Variants in CNBD1 observed in about 807,000 individuals in gnomAD.
CNBD1 encodes cyclic nucleotide-binding domain-containing protein 1.
In CNBD1, 71 loss-of-function variants were observed where a neutral mutation model predicts 54.4. The observed-to-expected ratio is 1.30, with a 90% CI of 1.08 to 1.59. The LOEUF is 1.59. CNBD1 is among the 40% of genes most tolerant of loss of function. The pLI, the probability that CNBD1 is intolerant of heterozygous loss-of-function variation, is 0.00. For synonymous variants in CNBD1, 182 were observed against 170.7 expected, an observed-to-expected ratio of 1.07 and a Z score of -0.51; for missense variants, 659 against 518.0, an observed-to-expected ratio of 1.27 and a Z score of -2.64.
intron 4 of CNBD1, among the ~76,000 whole-genome samples, chr8:87,197,307 G>A (rs986320004): frequency 2.6e-5 from 4 of 152,170 alleles, no homozygotes; most frequent in Admixed American, 6.5e-5. Flanking sequence ...AAGACTAGAG[G>A]TTAAGAGAGA....
At chr8:87,284,253 A>G (rs1808650302) in intron 6 of CNBD1, among the ~76,000 whole-genome samples, 2 of 152,252 alleles carry the variant, frequency 1.3e-5, no homozygotes, top group South Asian at 4.1e-4. Flanking sequence ...GCAATCATCC[A>G]TAAATATTAA....
chr8:86,965,996 T>A (rs1808062387), intron 4 of CNBD1, among the ~76,000 whole-genome samples: 1 of 152,118 alleles, frequency 6.6e-6, no homozygotes, highest in South Asian at 2.1e-4. Flanking sequence ...GCCTTCTTCA[T>A]CCTCTGGTTG....
rs915670342 is a variant in CNBD1 at position 87,326,390 on chromosome 8, G to T, written c.1043-25295G>T. On this transcript the variant is annotated intron_variant, in intron 8 of 10. Transcript: ENST00000518476. ...GGGAAGTTCTCCTGGATAATATCCT[G>T]TAGAGTGTTTTCCAACTTGGTTCCA... Among the ~76,000 whole-genome samples, 7 of 126,210 alleles carry T rather than the reference G, an allele frequency of 5.5e-5. 1 individual carries two copies. Among genetic ancestry groups the T allele is most frequent in the Non-Finnish European group, 1.3e-4 (7 of 55,702 alleles). The allele number at this position is 126,210 out of a possible 152,430, so 82.8% of individuals were successfully genotyped here.
At chr8:87,383,361 A>G (rs896140042), downstream of CNBD1, among the ~76,000 whole-genome samples, 4 of 152,068 alleles carry the variant, frequency 2.6e-5, no homozygotes, top group Admixed American at 6.6e-5. Flanking sequence ...AGTAAGGGGG[A>G]AAACCGTACG....
chr8:87,054,647 A>G (rs1251931381), intron 4 of CNBD1, among the ~76,000 whole-genome samples: 5 of 152,258 alleles, frequency 3.3e-5, no homozygotes, highest in Admixed American at 6.5e-5. Flanking sequence ...AAAATGCAAC[A>G]GAAAACTCTG....
At chr8:87,087,485 T>C (rs747334321) in intron 4 of CNBD1, among the ~76,000 whole-genome samples, 9 of 145,076 alleles carry the variant, frequency 6.2e-5, no homozygotes, top group Non-Finnish European at 1.4e-4. Flanking sequence ...TTTTTTTGAG[T>C]TGGAGTCTCA....
At chr8:87,399,974 G>A (rs1162957510) in intron 2 of CNBD1, among the ~76,000 whole-genome samples, 1 of 151,704 alleles carries the variant, frequency 6.6e-6, no homozygotes, top group Non-Finnish European at 1.5e-5. Flanking sequence ...ACATAACCAA[G>A]ACCACTGGAA....
intron 5 of CNBD1, among the ~76,000 whole-genome samples, chr8:87,214,320 G>A (rs529838376): frequency 1.6e-4 from 25 of 152,212 alleles, no homozygotes; most frequent in African/African-American, 5.8e-4. Context: ...TCTAGGGCGG[G>A]GGCAAAATGC....
chr8:87,000,551 C>A (rs1808970475), intron 4 of CNBD1, among the ~76,000 whole-genome samples: 1 of 152,024 alleles, frequency 6.6e-6, no homozygotes, highest in Admixed American at 6.6e-5. Flanking sequence ...AAGTGAATAA[C>A]AGAACCTTGC....
At chr8:87,386,384 G>A (rs1377922157), downstream of CNBD1, among the ~76,000 whole-genome samples, 1 of 151,970 alleles carries the variant, frequency 6.6e-6, no homozygotes. Flanking sequence ...TAGATGAATG[G>A]CTAACGAGAA....
In CNBD1 at chr8:86,981,568, G is replaced by A. The variant is rs11995053; in HGVS notation, c.431+41814G>A. ...CCGCAATCAAGAGACAGAGTTTTATGCCCCTTTGCAGTACATCTTCCTGAA... is the reference window on the plus strand; with the variant it reads ...CCGCAATCAAGAGACAGAGTTTTATACCCCTTTGCAGTACATCTTCCTGAA... On this transcript the variant is annotated intron_variant, in intron 4 of 10. Transcript: ENST00000518476. Among the ~76,000 whole-genome samples, 1,375 of 152,218 alleles carry A rather than the reference G, an allele frequency of 9.0e-3. 18 individuals carry two copies. Among genetic ancestry groups the A allele is most frequent in the Middle Eastern group, 0.037 (11 of 294 alleles).
In CNBD1 at chr8:87,327,062, C is replaced by T. The variant is rs915577103; in HGVS notation, c.1043-24623C>T. Reference sequence around the variant, plus strand: ...CTGCAGATCTGTTGGAATACCCTGCCGTGTGAGGTGTCAGTGTGCCCCTGC... The same window carrying T: ...CTGCAGATCTGTTGGAATACCCTGCTGTGTGAGGTGTCAGTGTGCCCCTGC... On this transcript the variant is annotated intron_variant, in intron 8 of 10. Coordinates refer to ENST00000518476, the MANE Select transcript of CNBD1 (RefSeq NM_173538.3). Among the ~76,000 whole-genome samples the T allele has an allele frequency of 5.3e-5, 8 of 149,610 alleles. No individual in the cohort carries two copies. The East Asian group carries it at 5.9e-4, about 11-fold the overall frequency.
intron 3 of CNBD1, among the ~76,000 whole-genome samples, chr8:86,922,552 G>A (rs1478881974): frequency 6.6e-6 from 1 of 151,998 alleles, no homozygotes; most frequent in East Asian, 1.9e-4. Flanking sequence ...GATGGCTTGG[G>A]GTATTATTGT....
At chr8:87,345,495 A>T (rs1158386276) in intron 8 of CNBD1, among the ~76,000 whole-genome samples, 1 of 152,172 alleles carries the variant, frequency 6.6e-6, no homozygotes, top group Non-Finnish European at 1.5e-5. Flanking sequence ...GTCTAAATGC[A>T]ATTGACTTTG....
chr8:86,990,919 T>C (rs1808731081), intron 4 of CNBD1, among the ~76,000 whole-genome samples: 1 of 152,142 alleles, frequency 6.6e-6, no homozygotes, highest in Non-Finnish European at 1.5e-5. Context: ...TTGGTAAATT[T>C]CTATGTATTT....
intron 4 of CNBD1, among the ~76,000 whole-genome samples, chr8:87,015,096 T>C (rs2130567007): frequency 6.6e-6 from 1 of 152,308 alleles, no homozygotes; most frequent in East Asian, 1.9e-4. Flanking sequence ...TTTCTAGAAA[T>C]TGATATTTAA....
chr8:87,167,626 G>T (rs945928388), intron 4 of CNBD1, among the ~76,000 whole-genome samples: 1 of 151,702 alleles, frequency 6.6e-6, no homozygotes, highest in Non-Finnish European at 1.5e-5. Context: ...TCTGGTTCTC[G>T]CAAGGTGGAT....
chr8:87,322,181 A>T lies in CNBD1; in HGVS notation c.1043-29504A>T, dbSNP rs1357785732. 9.1e-5 allele frequency among the ~76,000 whole-genome samples: 11 copies of T among 121,102 alleles called. 1 individual carries two copies. Among genetic ancestry groups the T allele is most frequent in the African/African-American group, 3.5e-4 (11 of 31,802 alleles). The allele number at this position is 121,102 out of a possible 152,430, so 79.4% of individuals were successfully genotyped here. A position where few individuals can be genotyped will look rare whatever the true frequency, so the allele number is the denominator to read the frequency against. On this transcript the variant is annotated intron_variant, in intron 8 of 10. Coordinates refer to ENST00000518476, the MANE Select transcript of CNBD1 (RefSeq NM_173538.3). ...GTATTCCATGGTGTAAATGTGCCAC[A>T]TTTTCTTAATCCAGTCTATCATTGT... is the stretch of plus-strand genomic sequence containing the variant.
chr8:87,328,549 ACTT>A (rs775246986), intron 8 of CNBD1, among the ~76,000 whole-genome samples: 35 of 151,572 alleles, frequency 2.3e-4, no homozygotes, highest in Middle Eastern at 3.4e-3. Flanking sequence ...AACTATGAGG[ACTT>A]CTTCTTTTTT....
Sources: allele counts gnomAD v4.1 joint callset (sites outside exome capture counted in the v4.1 genomes callset), GRCh38; gene constraint gnomAD v4.1.1; transcripts MANE v1.5; gene names NCBI Gene and HGNC (gene_info 2026-07-23, HGNC 2026-07-21).